FRMD4A: variants seen among roughly 807,000 people sequenced by gnomAD.
The protein encoded by FRMD4A is FERM domain-containing protein 4A.
In FRMD4A, 29 loss-of-function variants were observed where a neutral mutation model predicts 129.1. The observed-to-expected ratio is 0.22, with a 90% confidence interval of 0.17 to 0.31. The LOEUF is 0.31. FRMD4A is among the 10% of genes least tolerant of loss of function. FRMD4A has a pLI of 1.00. For synonymous variants in FRMD4A, 634 were observed against 571.6 expected (o/e 1.11, Z -1.56); for missense variants, 1,272 against 1,375.8 (o/e 0.92, Z 1.19).
intron 2 of FRMD4A, among the ~76,000 whole-genome samples, chr10:13,917,831 G>A (rs1355721616): frequency 6.6e-6 from 1 of 152,194 alleles, no homozygotes; most frequent in Non-Finnish European, 1.5e-5. Context: ...GCACTCACAA[G>A]GTGCATGGCC....
rs2089910317 is a variant in FRMD4A, at chr10:13,726,563, T to C, written c.759+11281A>G. 3.9e-5 allele frequency among the ~76,000 whole-genome samples: 6 copies of C among 152,200 alleles called. No homozygotes were observed. In the South Asian group the frequency reaches 1.2e-3, roughly 31 times the overall value. ...GTGCTCAAGTCACCTTCAAGGCTTG[T>C]GGAATTAGATTGCGGAGTCCCATCC... On this transcript the variant is annotated intron_variant, in intron 12 of 24. Coordinates refer to ENST00000357447, the MANE Select transcript of FRMD4A (RefSeq NM_018027.5).
chr10:13,692,242 G>A, intron 15 of FRMD4A: 1 of 140,132 alleles, frequency 7.1e-6, no homozygotes, highest in Non-Finnish European at 1.5e-5. Context: ...TCTGCCTCCT[G>A]AGTTCAAGTG....
At chr10:14,168,598 G>A (rs1431743175) in intron 2 of FRMD4A, among the ~76,000 whole-genome samples, 1 of 152,110 alleles carries the variant, frequency 6.6e-6, no homozygotes, top group East Asian at 1.9e-4. Context: ...TTGTATTCAT[G>A]GCAATGACAA....
At chr10:13,846,067 T>A (rs1283562293) in intron 3 of FRMD4A, among the ~76,000 whole-genome samples, 2 of 152,196 alleles carry the variant, frequency 1.3e-5, no homozygotes, top group African/African-American at 4.8e-5. Context: ...ACCTACCTCA[T>A]AGAGTTGTGG....
At chr10:13,659,582 G>T in intron 20 of FRMD4A, 92 bp from the exon 21 acceptor site, 1 of 1,315,554 alleles carries the variant, frequency 7.6e-7, no homozygotes, top group East Asian at 2.3e-5. Context: ...CCCAGCATGT[G>T]GGGAAAGCTC....
intron 2 of FRMD4A, among the ~76,000 whole-genome samples, chr10:14,170,713 A>T (rs190311853): frequency 2.7e-4 from 41 of 152,298 alleles, no homozygotes; most frequent in African/African-American, 9.4e-4. Context: ...CCGCACAAAC[A>T]TTTGGTAAAA....
intron 2 of FRMD4A, among the ~76,000 whole-genome samples, chr10:14,181,294 GT>G (rs377214234): frequency 6.6e-6 from 1 of 151,224 alleles, no homozygotes; most frequent in African/African-American, 2.4e-5. Context: ...TCTTTTTTTT[GT>G]TTTTTTCCTT....
In FRMD4A at chr10:14,265,062, G is replaced by A. The variant is rs150998306; in HGVS notation, c.45+64996C>T. ...CTCCCAAAGTGCTGGGATTACAGGC[G>A]TGAGCCACTGAGCCTGGCCTAAGAA... On this transcript the variant is annotated intron_variant, in intron 2 of 24. Transcript: ENST00000357447. Among the ~76,000 whole-genome samples the A allele has an allele frequency of 5.3e-3, 800 of 152,294 alleles. 10 individuals are homozygous for A. Among genetic ancestry groups the A allele is most frequent in the African/African-American group, 0.018 (740 of 41,570 alleles).
intron 2 of FRMD4A, among the ~76,000 whole-genome samples, chr10:14,186,835 C>T (rs761304313): frequency 1.4e-4 from 21 of 152,146 alleles, no homozygotes; most frequent in Admixed American, 2.6e-4. Context: ...GAATACCCTT[C>T]TCTGACCAGT....
intron 10 of FRMD4A, 34 bp downstream of exon 10, chr10:13,740,478 C>T (rs1024829995): frequency 3.2e-6 from 4 of 1,261,264 alleles, no homozygotes; most frequent in African/African-American, 1.5e-5. Context: ...CACACAAACA[C>T]TGTCCCCATG....
chr10:14,318,949 C>T (rs1846861233), intron 2 of FRMD4A, among the ~76,000 whole-genome samples: 1 of 152,188 alleles, frequency 6.6e-6, no homozygotes, highest in Non-Finnish European at 1.5e-5. Flanking sequence ...TATGGCTCTG[C>T]CTGGCTAGCT....
chr10:13,875,331 A>G (rs913968374), intron 2 of FRMD4A, among the ~76,000 whole-genome samples: 10 of 152,250 alleles, frequency 6.6e-5, no homozygotes, highest in Non-Finnish European at 2.9e-5. Flanking sequence ...GGGCTGCAAC[A>G]GCAAGATCCA....
chr10:13,674,805 C>G, intron 16 of FRMD4A, 106 bp downstream of exon 16: 1 of 1,276,576 alleles, frequency 7.8e-7, no homozygotes, highest in African/African-American at 1.5e-5. Flanking sequence ...TCAAAACGAT[C>G]AAATGACATC....
chr10:13,682,550 G>T (rs1477215233), intron 15 of FRMD4A, among the ~76,000 whole-genome samples: 2 of 143,192 alleles, frequency 1.4e-5, no homozygotes, highest in Admixed American at 1.5e-4. Flanking sequence ...ACCAAAGCTG[G>T]AGTGCAGTGG....
intron 15 of FRMD4A, chr10:13,685,508 C>G (rs1156322895): frequency 3.0e-6 from 3 of 985,148 alleles, no homozygotes; most frequent in Non-Finnish European, 3.6e-6. Context: ...CTTCTGGGTC[C>G]AAGCTTGTTA....
chr10:14,181,835 T>C (rs1432866018), intron 2 of FRMD4A, among the ~76,000 whole-genome samples: 10 of 152,086 alleles, frequency 6.6e-5, no homozygotes, highest in Non-Finnish European at 1.3e-4. Flanking sequence ...GGACTACAGA[T>C]GTGCACCAAC....
At chr10:13,706,167 T>C (rs760040318) in intron 13 of FRMD4A, among the ~76,000 whole-genome samples, 3 of 152,230 alleles carry the variant, frequency 2.0e-5, no homozygotes, top group African/African-American at 4.8e-5. Flanking sequence ...TTTGCTCCTC[T>C]GTAGAGTCTG....
chr10:13,981,680 A>T (rs1220323580), intron 2 of FRMD4A, among the ~76,000 whole-genome samples: 1 of 142,794 alleles, frequency 7.0e-6, no homozygotes, highest in Non-Finnish European at 1.5e-5. Flanking sequence ...CGGAGGTTGT[A>T]GTGAGCCGAG....
chr10:14,032,288 GCAA>G (rs1216120305), intron 2 of FRMD4A, among the ~76,000 whole-genome samples: 5 of 152,214 alleles, frequency 3.3e-5, no homozygotes, highest in Non-Finnish European at 4.4e-5. Context: ...TGCAGATAAT[GCAA>G]CTACAACCAG....
Sources: gnomAD v4.1 joint callset for allele counts (sites outside exome capture counted in the v4.1 genomes callset) on GRCh38, gnomAD v4.1.1 for gene constraint, MANE v1.5 for transcripts, NCBI Gene and HGNC (gene_info 2026-07-23, HGNC 2026-07-21) for gene names.